Variants in NUP133 observed in about 807,000 individuals in gnomAD.
The protein encoded by NUP133 is nuclear pore complex protein Nup133.
NUP133 carries 66 observed loss-of-function variants against 146.2 expected under a neutral mutation model. The observed-to-expected ratio is 0.45, with a 90% CI of 0.37 to 0.55. NUP133 has a LOEUF of 0.55. Among genes scored for constraint, NUP133 ranks in the 20% least tolerant of loss-of-function variants. The pLI is 0.00. For missense variants in NUP133, 1,277 were observed against 1,374.8 expected (o/e 0.93, Z 1.12); for synonymous variants, 521 against 498.8 (o/e 1.04, Z -0.59).
In NUP133 at chr1:229,476,964, G is replaced by T. The variant is rs188475295; in HGVS notation, c.1756+633C>A. 1.1e-3 allele frequency among the ~76,000 whole-genome samples: 174 copies of T among 151,542 alleles called. 2 individuals are homozygous for T. Among genetic ancestry groups the T allele is most frequent in the Middle Eastern group, 3.4e-3 (1 of 294 alleles). On this transcript the variant is annotated intron_variant, in intron 13 of 25. Transcript: ENST00000261396. ...AACAAAAAAAAAAACTGGGATTGGG[G>T]GGCAGGTAAGTGCCAACTGTCTACC...
At chr1:229,466,889 G>T in intron 15 of NUP133, 133 bp from the exon 16 acceptor site, 1 of 686,762 alleles carries the variant, frequency 1.5e-6, no homozygotes. Flanking sequence ...GCAGTTGATG[G>T]TAAAAATAAA....
chr1:229,499,404 C>T (rs920871423), intron 5 of NUP133, among the ~76,000 whole-genome samples: 3 of 152,142 alleles, frequency 2.0e-5, no homozygotes, highest in African/African-American at 7.2e-5. Flanking sequence ...TTCTTCTCTT[C>T]CTTGTCTCTT....
chr1:229,463,341 G>A (rs1660733684), intron 19 of NUP133, among the ~76,000 whole-genome samples: 1 of 152,198 alleles, frequency 6.6e-6, no homozygotes, highest in South Asian at 2.1e-4. Context: ...CCAGGAGGTT[G>A]AGGCTGTCGT....
intron 24 of NUP133, 70 bp downstream of exon 24, chr1:229,449,056 T>C: frequency 8.8e-7 from 1 of 1,141,346 alleles, no homozygotes; most frequent in Non-Finnish European, 1.3e-6. Flanking sequence ...TGTTATTGAC[T>C]GTCATGTGGT....
intron 24 of NUP133, among the ~76,000 whole-genome samples, chr1:229,445,288 ACT>A (rs747556772): frequency 2.6e-5 from 4 of 152,088 alleles, no homozygotes; most frequent in Non-Finnish European, 4.4e-5. Context: ...ACTCAATATA[ACT>A]CTTACCTATT....
chr1:229,452,444 GGAAC>G, intron 22 of NUP133, 77 bp downstream of exon 22: 1 of 993,238 alleles, frequency 1.0e-6, no homozygotes, highest in East Asian at 2.8e-5. Context: ...ACTCCTCTTA[GGAAC>G]TATACTACAT....
intron 10 of NUP133, among the ~76,000 whole-genome samples, chr1:229,486,812 C>A: frequency 6.6e-6 from 1 of 151,616 alleles, no homozygotes; most frequent in Non-Finnish European, 1.5e-5. Flanking sequence ...GAAAATTATT[C>A]CTTCTGCAAA....
At chr1:229,500,006 T>C (rs1661756984) in intron 4 of NUP133, among the ~76,000 whole-genome samples, 188 bp from the exon 5 acceptor site, 1 of 152,258 alleles carries the variant, frequency 6.6e-6, no homozygotes, top group Non-Finnish European at 1.5e-5. Flanking sequence ...TCTCTTCATG[T>C]GCTTATGTGC....
At chr1:229,507,413 G>A (rs1359335019) in intron 1 of NUP133, among the ~76,000 whole-genome samples, 1 of 152,152 alleles carries the variant, frequency 6.6e-6, no homozygotes, top group Admixed American at 6.5e-5. Flanking sequence ...GGTTAATTAT[G>A]AACATGGTGT....
At chr1:229,447,481 T>TA (rs913184025) in intron 24 of NUP133, among the ~76,000 whole-genome samples, 14 of 151,900 alleles carry the variant, frequency 9.2e-5, no homozygotes, top group African/African-American at 3.1e-4. Flanking sequence ...TTTTTTTTTT[T>TA]AATACTATTG....
In NUP133 at chr1:229,508,116, G is replaced by A. The variant is rs759871472; in HGVS notation, c.134C>T (p.Ser45Phe). 3.2e-6 allele frequency: 5 copies of A among 1,570,926 alleles called. No individual in the cohort carries two copies. Among genetic ancestry groups the A allele is most frequent in the Non-Finnish European group, 4.3e-6 (5 of 1,159,718 alleles). ...KGLPLGSAVSSPVLFSPVGRR... is the reference protein window; with the variant it reads ...KGLPLGSAVSFPVLFSPVGRR... The stretch of plus-strand genomic sequence containing the variant: ...GCCGACCGGCGAGAAGAGCACTGGG[G>A]AGCTGACTGCAGACCCCAGGGGCAG... The change falls in exon 1 of 26, where the codon TCC becomes TTC. Residue 45 changes from serine to phenylalanine, a missense_variant. By Grantham distance (155) the Ser-to-Phe change is radical (BLOSUM62 -2). Transcript: ENST00000261396.
intron 7 of NUP133, 71 bp from the exon 8 acceptor site, chr1:229,495,636 G>T: frequency 8.6e-7 from 1 of 1,163,886 alleles, no homozygotes; most frequent in Non-Finnish European, 1.3e-6. Context: ...TATATCCCTA[G>T]TACCTAGTGA....
At chr1:229,447,132 G>A (rs1660319850) in intron 24 of NUP133, among the ~76,000 whole-genome samples, 1 of 152,014 alleles carries the variant, frequency 6.6e-6, no homozygotes, top group African/African-American at 2.4e-5. Context: ...CACAAAAAAA[G>A]AAAGAAAATA....
chr1:229,481,642 T>C (rs1260741800), intron 12 of NUP133, among the ~76,000 whole-genome samples: 1 of 145,230 alleles, frequency 6.9e-6, no homozygotes, highest in Non-Finnish European at 1.5e-5. Flanking sequence ...GAGGTTGCAG[T>C]GAGCCGAGAT....
At chr1:229,463,463 A>G in intron 19 of NUP133, 80 bp downstream of exon 19, 1 of 1,443,786 alleles carries the variant, frequency 6.9e-7, no homozygotes, top group Non-Finnish European at 9.4e-7. Context: ...AAAAGCCCTG[A>G]TTACAGATTT....
intron 9 of NUP133, 130 bp from the exon 10 acceptor site, chr1:229,487,743 C>T (rs1661397628): frequency 1.2e-5 from 8 of 680,278 alleles, no homozygotes; most frequent in Non-Finnish European, 1.9e-5. Context: ...AATCTGAACA[C>T]TACCCATGAG....
In NUP133 at chr1:229,492,669, A is replaced by G. The variant is rs1170929524; in HGVS notation, c.1047-2567T>C. On this transcript the variant is annotated intron_variant, in intron 8 of 25. Coordinates refer to ENST00000261396, the MANE Select transcript of NUP133 (RefSeq NM_018230.3). ...CTAAGTGAAGTAACTCAGGAATGGA[A>G]AACCAAATATCATATGTTCTCACCT... Among the ~76,000 whole-genome samples, 3 of 151,998 alleles carry G rather than the reference A, an allele frequency of 2.0e-5. No individual in the cohort carries two copies. The East Asian group carries it at 5.8e-4, about 29-fold the overall frequency.
intron 24 of NUP133, among the ~76,000 whole-genome samples, chr1:229,445,246 A>G (rs183103228): frequency 1.3e-5 from 2 of 152,296 alleles, no homozygotes; most frequent in Admixed American, 1.3e-4. Flanking sequence ...AAACACATTT[A>G]AAAAAAGATG....
intron 18 of NUP133, among the ~76,000 whole-genome samples, chr1:229,464,117 C>T (rs1246243921): frequency 1.3e-5 from 2 of 152,108 alleles, no homozygotes; most frequent in Non-Finnish European, 2.9e-5. Context: ...TGCACTACAG[C>T]CTGGGCGAGA....
Sources: allele counts gnomAD v4.1 joint callset (sites outside exome capture counted in the v4.1 genomes callset), GRCh38; gene constraint gnomAD v4.1.1; transcripts MANE v1.5; gene names NCBI Gene and HGNC (gene_info 2026-07-23, HGNC 2026-07-21).